GBE1: variants seen among roughly 807,000 people sequenced by gnomAD.
The protein encoded by GBE1 is 1,4-alpha-glucan branching enzyme 1.
Under a neutral mutation model 88.8 loss-of-function variants are expected in GBE1, and 70 were observed. The ratio of observed to expected loss-of-function variants is 0.79; its 90% CI spans 0.65 to 0.96. The LOEUF (loss-of-function observed/expected upper bound fraction) is 0.96, where lower values mean the gene tolerates loss of function less well. GBE1 is among the 40% of genes least tolerant of loss of function. The probability of loss-of-function intolerance (pLI) is 0.00; values close to 1 mark genes in which losing one functional copy is unlikely to be tolerated. For missense variants in GBE1, 872 were observed against 871.0 expected (o/e 1.00, Z -0.01); for synonymous variants, 284 against 300.1 (o/e 0.95, Z 0.56).
intron 14 of GBE1, among the ~76,000 whole-genome samples, chr3:81,519,566 C>T (rs367905127): frequency 2.1e-3 from 313 of 145,674 alleles, no homozygotes; most frequent in African/African-American, 7.8e-3. Flanking sequence ...CCAACACAAA[C>T]ACTTTATAAA....
intron 1 of GBE1, among the ~76,000 whole-genome samples, chr3:81,747,977 G>A (rs1706440933): frequency 2.0e-5 from 3 of 152,060 alleles, no homozygotes; most frequent in Admixed American, 2.0e-4. Flanking sequence ...TCACACGGAC[G>A]CGCATGAAAG....
chr3:81,618,702 C>G (rs1448786106), intron 7 of GBE1, among the ~76,000 whole-genome samples: 1 of 152,068 alleles, frequency 6.6e-6, no homozygotes, highest in Non-Finnish European at 1.5e-5. Flanking sequence ...TCCTGAATCT[C>G]CCTTTGTATT....
chr3:81,492,070 A>G (rs975319990), intron 15 of GBE1, among the ~76,000 whole-genome samples: 3 of 152,252 alleles, frequency 2.0e-5, no homozygotes, highest in Non-Finnish European at 4.4e-5. Flanking sequence ...GTCATCTGCA[A>G]AAGATTAACA....
chr3:81,690,288 G>A (rs895186104), intron 2 of GBE1, among the ~76,000 whole-genome samples: 1 of 152,202 alleles, frequency 6.6e-6, no homozygotes, highest in African/African-American at 2.4e-5. Context: ...AACACTGTGT[G>A]TGCATACTTC....
intron 14 of GBE1, among the ~76,000 whole-genome samples, chr3:81,526,484 C>A (rs1187724830): frequency 6.6e-6 from 1 of 152,036 alleles, no homozygotes; most frequent in Non-Finnish European, 1.5e-5. Flanking sequence ...ATTGTCTCAG[C>A]CCAAAATCTC....
intron 3 of GBE1, among the ~76,000 whole-genome samples, chr3:81,667,464 C>T (rs1229143651): frequency 3.3e-5 from 5 of 152,064 alleles, no homozygotes; most frequent in Non-Finnish European, 7.4e-5. Context: ...TTGCCCTGGC[C>T]AGAAGTTCTA....
At chr3:81,643,564 T>C (rs762047438) in intron 6 of GBE1, among the ~76,000 whole-genome samples, 14 of 152,118 alleles carry the variant, frequency 9.2e-5, no homozygotes, top group Non-Finnish European at 2.1e-4. Context: ...CTGAATGAAA[T>C]AGGTAACAAA....
intron 14 of GBE1, among the ~76,000 whole-genome samples, chr3:81,523,193 G>A (rs1702896923): frequency 1.3e-5 from 2 of 149,868 alleles, no homozygotes; most frequent in African/African-American, 4.9e-5. Flanking sequence ...TATTATGTAT[G>A]CTTTCATAAT....
At chr3:81,658,378 A>G (rs1385582446) in intron 3 of GBE1, among the ~76,000 whole-genome samples, 1 of 152,194 alleles carries the variant, frequency 6.6e-6, no homozygotes, top group African/African-American at 2.4e-5. Flanking sequence ...GAGGTATAAT[A>G]CACATAGCTT....
intron 7 of GBE1, 67 bp downstream of exon 7, chr3:81,642,714 G>C (rs556665728): frequency 1.0e-6 from 1 of 996,732 alleles, no homozygotes; most frequent in African/African-American, 1.6e-5. Context: ...AATGAATTTA[G>C]TGAAATTCTT....
Position 81,499,210 on chromosome 3 carries a change from T to C in GBE1, c.1952A>G (p.Asp651Gly), listed in dbSNP as rs938729667. The C allele has an allele frequency of 1.2e-6, 2 of 1,606,908 alleles. No individual in the cohort carries two copies. Among genetic ancestry groups the C allele is most frequent in the African/African-American group, 2.7e-5 (2 of 74,764 alleles). Reference protein sequence around the residue: ...ALPGKFKIVLDSDAAEYGGHQ... With the variant: ...ALPGKFKIVLGSDAAEYGGHQ... ...CCCTCCATATTCCGCTGCATCTGAA[T>C]CTAGCACAATTTTGAATGTACAGCT... Residue 651 changes from aspartate to glycine, a missense_variant, in exon 15 of 16, where the codon GAT becomes GGT. Coordinates refer to ENST00000429644, the MANE Select transcript of GBE1 (RefSeq NM_000158.4).
At chr3:81,497,773 C>T (rs1212977293) in intron 15 of GBE1, among the ~76,000 whole-genome samples, 2 of 152,174 alleles carry the variant, frequency 1.3e-5, no homozygotes, top group African/African-American at 4.8e-5. Context: ...TTCCCAATGA[C>T]TCCCCTTTGT....
chr3:81,741,072 T>C (rs1272110524), intron 1 of GBE1, among the ~76,000 whole-genome samples: 1 of 152,214 alleles, frequency 6.6e-6, no homozygotes, highest in Non-Finnish European at 1.5e-5. Context: ...GGGTTATAAT[T>C]GAGCCTTAAC....
intron 1 of GBE1, 72 bp downstream of exon 1, chr3:81,761,303 G>A (rs1706681138): frequency 1.3e-6 from 2 of 1,525,652 alleles, no homozygotes; most frequent in African/African-American, 1.4e-5. Context: ...CCGAGGGGCG[G>A]CCCGTGTCCC....
At chr3:81,665,953 G>C (rs908020093) in intron 3 of GBE1, among the ~76,000 whole-genome samples, 1 of 151,896 alleles carries the variant, frequency 6.6e-6, no homozygotes, top group Non-Finnish European at 1.5e-5. Flanking sequence ...GAGTGATCTA[G>C]AATGAGTATA....
At position 81,644,339 on chromosome 3, in the gene GBE1, G is replaced by A. The variant is rs1158884325; in HGVS notation, c.783-1349C>T. On this transcript the variant is annotated intron_variant, in intron 6 of 15. Transcript: ENST00000429644. The stretch of plus-strand genomic sequence containing the variant: ...ATAGGGTCATCAGTTAAAGTTTCAT[G>A]GAAAAGGCAACATTTGAGCAAGAAA... Among the ~76,000 whole-genome samples the A allele has an allele frequency of 3.3e-5, 5 of 152,230 alleles. No individual in the cohort carries two copies. The East Asian group carries it at 7.7e-4, about 23-fold the overall frequency.
intron 9 of GBE1, 40 bp from the exon 10 acceptor site, chr3:81,586,230 A>G (rs759901716): frequency 2.1e-5 from 26 of 1,233,998 alleles, no homozygotes; most frequent in Non-Finnish European, 2.8e-5. Context: ...TCAAACTTTT[A>G]GTAAATATTC....
At chr3:81,515,986 T>C (rs960886865) in intron 14 of GBE1, among the ~76,000 whole-genome samples, 1 of 151,686 alleles carries the variant, frequency 6.6e-6, no homozygotes, top group Non-Finnish European at 1.5e-5. Flanking sequence ...TAAAGACATC[T>C]TCATAACATA....
chr3:81,581,399 A>T, intron 10 of GBE1, 124 bp from the exon 11 acceptor site: 1 of 597,240 alleles, frequency 1.7e-6, no homozygotes, highest in Non-Finnish European at 2.9e-6. Flanking sequence ...TAGTCCACCC[A>T]TATAGCAAAG....
Sources: gnomAD v4.1 joint callset for allele counts (sites outside exome capture counted in the v4.1 genomes callset) on GRCh38, gnomAD v4.1.1 for gene constraint, MANE v1.5 for transcripts, NCBI Gene and HGNC (gene_info 2026-07-23, HGNC 2026-07-21) for gene names.